The following CLYBL variants were observed in gnomAD, a reference collection of about 807,000 sequenced individuals.
CLYBL encodes the protein citramalyl-CoA lyase.
Under a neutral mutation model 38.9 loss-of-function variants are expected in CLYBL, and 31 were observed. The ratio of observed to expected loss-of-function variants is 0.80; its 90% confidence interval spans 0.60 to 1.08. CLYBL has a LOEUF of 1.08. Among genes scored for constraint, CLYBL ranks in the 50% least tolerant of loss-of-function variants. The pLI, the probability that CLYBL is intolerant of heterozygous loss-of-function variation, is 0.00. For missense variants in CLYBL, 434 were observed against 411.6 expected (o/e 1.05, Z -0.47); for synonymous variants, 171 against 158.6 (o/e 1.08, Z -0.59).
At chr13:99,739,027 A>C (rs2048709330) in intron 1 of CLYBL, among the ~76,000 whole-genome samples, 1 of 152,254 alleles carries the variant, frequency 6.6e-6, no homozygotes, top group Non-Finnish European at 1.5e-5. Context: ...TTTAATCCTT[A>C]AAAAGAGTAA....
intron 2 of CLYBL, among the ~76,000 whole-genome samples, chr13:99,832,335 A>G (rs907021885): frequency 1.3e-5 from 2 of 152,182 alleles, no homozygotes; most frequent in South Asian, 2.1e-4. Flanking sequence ...ACGTCCTCAA[A>G]TGATCTCTTA....
chr13:99,716,642 C>T (rs1157682427), intron 1 of CLYBL, among the ~76,000 whole-genome samples: 1 of 151,126 alleles, frequency 6.6e-6, no homozygotes, highest in Non-Finnish European at 1.5e-5. Context: ...CCTCGGCCTC[C>T]CAAAGTGCTG....
At chr13:99,854,503 C>T (rs756532641) in intron 2 of CLYBL, among the ~76,000 whole-genome samples, 19 of 151,668 alleles carry the variant, frequency 1.3e-4, no homozygotes, top group African/African-American at 2.7e-4. Flanking sequence ...GCTGCCGCCA[C>T]GGAGCTTGGT....
intron 2 of CLYBL, among the ~76,000 whole-genome samples, chr13:99,835,656 C>T (rs2050918442): frequency 6.6e-6 from 1 of 152,212 alleles, no homozygotes; most frequent in Non-Finnish European, 1.5e-5. Context: ...CTGCACATCA[C>T]CCTGCACTGC....
chr13:99,809,993 G>A (rs149440191), intron 2 of CLYBL, among the ~76,000 whole-genome samples: 1 of 152,222 alleles, frequency 6.6e-6, no homozygotes, highest in Admixed American at 6.5e-5. Context: ...TTGCTGGCAA[G>A]TGGAAATGTC....
chr13:99,715,953 TAGAA>T (rs1466667378), intron 1 of CLYBL, among the ~76,000 whole-genome samples: 1 of 152,148 alleles, frequency 6.6e-6, no homozygotes, highest in Non-Finnish European at 1.5e-5. Flanking sequence ...TTGTGGGTTT[TAGAA>T]AGAAAGCGGA....
At chr13:99,732,258 TG>T (rs1394214517) in intron 1 of CLYBL, among the ~76,000 whole-genome samples, 2 of 144,946 alleles carry the variant, frequency 1.4e-5, no homozygotes, top group Admixed American at 1.4e-4. Flanking sequence ...CACGATTCAC[TG>T]CAGCCTCAAC....
intron 2 of CLYBL, among the ~76,000 whole-genome samples, chr13:99,847,516 G>A (rs2051233531): frequency 6.6e-6 from 1 of 152,154 alleles, no homozygotes; most frequent in African/African-American, 2.4e-5. Flanking sequence ...CAGTCGGTTG[G>A]GGAAGGCAGC....
At chr13:99,703,333 T>G (rs2139465500) in intron 1 of CLYBL, among the ~76,000 whole-genome samples, 1 of 152,250 alleles carries the variant, frequency 6.6e-6, no homozygotes, top group South Asian at 2.1e-4. Flanking sequence ...TTGTCTTTGT[T>G]TTTTAGTGTG....
At position 99,675,405 on chromosome 13, in the gene CLYBL, A is replaced by G. The variant is rs528806937; in HGVS notation, c.62+68648A>G. ...TCACCTATTTAAAGTATACAGTTCA[A>G]TGAATTTAATGGTTTTTAGTCTATT... On this transcript the variant is annotated intron_variant, in intron 1 of 8. Transcript: ENST00000339105. Among the ~76,000 whole-genome samples, 5 of 152,372 alleles carry G rather than the reference A, an allele frequency of 3.3e-5. No homozygotes were observed. In the South Asian group the frequency reaches 1.0e-3, roughly 32 times the overall value.
chr13:99,905,454 T>C (rs1324222400), intron 9 of CLYBL, among the ~76,000 whole-genome samples: 1 of 152,166 alleles, frequency 6.6e-6, no homozygotes. Context: ...AAGGGTGTCT[T>C]GAAGCCGCCC....
At chr13:99,827,320 C>T (rs915460183) in intron 2 of CLYBL, among the ~76,000 whole-genome samples, 2 of 152,190 alleles carry the variant, frequency 1.3e-5, no homozygotes, top group Non-Finnish European at 2.9e-5. Flanking sequence ...GGTGGAGCCC[C>T]TGAGGGGTGG....
intron 2 of CLYBL, among the ~76,000 whole-genome samples, chr13:99,833,009 T>TAC (rs373568068): frequency 0.014 from 392 of 28,336 alleles, 15 homozygotes; most frequent in Non-Finnish European, 0.021. Flanking sequence ...CATACATACA[T>TAC]ATATATATAT....
intron 1 of CLYBL, among the ~76,000 whole-genome samples, chr13:99,683,236 T>C (rs920421063): frequency 2.7e-5 from 4 of 145,950 alleles, no homozygotes; most frequent in African/African-American, 2.7e-5. Flanking sequence ...TGCCCCCCCC[T>C]ACACCAGGCT....
chr13:99,736,937 A>G (rs767154120), intron 1 of CLYBL, among the ~76,000 whole-genome samples: 2 of 152,242 alleles, frequency 1.3e-5, no homozygotes, highest in Non-Finnish European at 2.9e-5. Context: ...TCAATGAAAT[A>G]CTGACTAAAA....
Position 99,850,434 on chromosome 13 carries a change from A to C in CLYBL, c.250-8427A>C, listed in dbSNP as rs541287009. Among the ~76,000 whole-genome samples, 7 of 152,354 alleles carry C rather than the reference A, an allele frequency of 4.6e-5. No individual in the cohort carries two copies. In the South Asian group the frequency reaches 1.5e-3, roughly 32 times the overall value. On this transcript the variant is annotated intron_variant, in intron 2 of 8. Coordinates refer to ENST00000339105, the MANE Select transcript of CLYBL (RefSeq NM_206808.5). The stretch of plus-strand genomic sequence containing the variant: ...GCTCAGCATCATTAGCCATTGGAGA[A>C]ATGCAAAACAAAACCCATTGAGCAT...
At chr13:99,634,236 G>T (rs2046988693) in intron 1 of CLYBL, among the ~76,000 whole-genome samples, 1 of 152,128 alleles carries the variant, frequency 6.6e-6, no homozygotes, top group Admixed American at 6.5e-5. Context: ...ATCAACCCAG[G>T]GTTCTACGTC....
intron 2 of CLYBL, among the ~76,000 whole-genome samples, chr13:99,842,574 C>G (rs1216519848): frequency 6.6e-6 from 1 of 152,116 alleles, no homozygotes; most frequent in Admixed American, 6.5e-5. Context: ...AGCTACCTTC[C>G]CAGTCCTCAA....
intron 8 of CLYBL, chr13:99,891,793 T>G (rs1053748081): frequency 3.0e-5 from 5 of 166,898 alleles, no homozygotes; most frequent in Non-Finnish European, 6.4e-5. Flanking sequence ...GTTTCCTGCT[T>G]GTTCATTTAT....
Sources: allele counts gnomAD v4.1 joint callset (sites outside exome capture counted in the v4.1 genomes callset), GRCh38; gene constraint gnomAD v4.1.1; transcripts MANE v1.5; gene names NCBI Gene and HGNC (gene_info 2026-07-23, HGNC 2026-07-21).